The following PTPRD variants were observed in gnomAD, a reference collection of about 807,000 sequenced individuals.
PTPRD encodes protein tyrosine phosphatase receptor type D.
In PTPRD, 34 loss-of-function variants were observed where a neutral mutation model predicts 214.5. That is an observed-to-expected ratio of 0.16 (90% CI 0.12 to 0.21). The LOEUF is 0.21. Ranked by LOEUF, PTPRD falls within the 10% of genes least tolerant of loss-of-function variation. PTPRD has a pLI of 1.00. For synonymous variants in PTPRD, 1,128 were observed against 845.7 expected (o/e 1.33, Z -5.79); for missense variants, 2,545 against 2,398.7 (o/e 1.06, Z -1.27).
At chr9:9,558,855 TC>T (rs1352299426) in intron 8 of PTPRD, among the ~76,000 whole-genome samples, 1 of 152,186 alleles carries the variant, frequency 6.6e-6, no homozygotes, top group Non-Finnish European at 1.5e-5. Context: ...CAGTGAAGGT[TC>T]AGGATCTAGG....
chr9:8,736,060 C>T (rs1598348174), intron 11 of PTPRD, among the ~76,000 whole-genome samples: 1 of 152,068 alleles, frequency 6.6e-6, no homozygotes, highest in African/African-American at 2.4e-5. Context: ...TGGAACCAGG[C>T]TTTGGAAAGA....
chr9:9,164,707 T>C (rs953686809), intron 10 of PTPRD, among the ~76,000 whole-genome samples: 2 of 152,088 alleles, frequency 1.3e-5, no homozygotes, highest in East Asian at 3.9e-4. Flanking sequence ...CTAGACTGAT[T>C]TCTTTTTTAA....
At chr9:9,572,927 A>G (rs2086996141) in intron 8 of PTPRD, among the ~76,000 whole-genome samples, 1 of 151,632 alleles carries the variant, frequency 6.6e-6, no homozygotes, top group African/African-American at 2.4e-5. Flanking sequence ...CTGAACTCTT[A>G]TATCCTGCTC....
chr9:8,317,265 T>C lies in PTPRD; in HGVS notation c.*609A>G, dbSNP rs768592049. Reference sequence around the variant, plus strand: ...TTGGAAATAAAAAAATGAAGAGTTATGTAACTTTTTTAAAATTCACTTTAT... The same window carrying C: ...TTGGAAATAAAAAAATGAAGAGTTACGTAACTTTTTTAAAATTCACTTTAT... On this transcript the variant is annotated 3_prime_UTR_variant, in exon 46 of 46. Coordinates refer to ENST00000381196, the MANE Select transcript of PTPRD (RefSeq NM_002839.4). 6.9e-5 allele frequency: 16 copies of C among 232,198 alleles called. No individual in the cohort carries two copies. The highest frequency in any genetic ancestry group is 1.4e-4 in the Non-Finnish European group (16 of 117,208). The allele number at this position is 232,198 out of a possible 1,614,324, so 14.4% of individuals were successfully genotyped here.
At chr9:9,537,753 A>G (rs550325599) in intron 8 of PTPRD, among the ~76,000 whole-genome samples, 1 of 152,114 alleles carries the variant, frequency 6.6e-6, no homozygotes, top group East Asian at 1.9e-4. Context: ...GCAGCTTAAA[A>G]GTAACTGATA....
At chr9:9,049,079 C>G (rs1414243218) in intron 10 of PTPRD, among the ~76,000 whole-genome samples, 1 of 152,204 alleles carries the variant, frequency 6.6e-6, no homozygotes, top group East Asian at 1.9e-4. Context: ...ATCCAATGAT[C>G]TGGAAAGCAA....
chr9:9,634,859 T>C lies in PTPRD; in HGVS notation c.-286-60078A>G, dbSNP rs778164565. 2.0e-5 allele frequency among the ~76,000 whole-genome samples: 3 copies of C among 152,206 alleles called. No individual in the cohort carries two copies. In the South Asian group the frequency reaches 6.2e-4, roughly 32 times the overall value. ...CAGAGCAGGGATTACAAGTTACTTT[T>C]ATGTTGAGTACTTGTGCTATTTTGA... On this transcript the variant is annotated intron_variant, in intron 7 of 45. Transcript: ENST00000381196.
At chr9:9,213,354 G>C (rs1385004528) in intron 9 of PTPRD, among the ~76,000 whole-genome samples, 1 of 152,154 alleles carries the variant, frequency 6.6e-6, no homozygotes, top group Non-Finnish European at 1.5e-5. Context: ...TTGATGCATA[G>C]ACATCAACGA....
rs545143124 is a variant in PTPRD at position 10,300,095 on chromosome 9, C to A, written c.-545+40868G>T. ...ACAATTCTAAATGTTACCATTCCAT[C>A]CTGATAGTCTGTATCAACAGCTGAT... On this transcript the variant is annotated intron_variant, in intron 3 of 45. Transcript: ENST00000381196. Among the ~76,000 whole-genome samples the A allele has an allele frequency of 3.3e-5, 5 of 152,260 alleles. No individual in the cohort carries two copies. In the East Asian group the frequency reaches 9.6e-4, roughly 29 times the overall value.
intron 10 of PTPRD, among the ~76,000 whole-genome samples, chr9:9,019,303 A>T (rs2099551295): frequency 1.1e-5 from 1 of 93,084 alleles, no homozygotes; most frequent in Admixed American, 1.0e-4. Flanking sequence ...AAAGAAAGAA[A>T]GAAAGAAAGA....
In PTPRD at chr9:9,038,711, C is replaced by T. The variant is rs187355337; in HGVS notation, c.-142-19976G>A. Among the ~76,000 whole-genome samples the T allele has an allele frequency of 9.5e-4, 145 of 152,032 alleles. 1 individual carries two copies. In the East Asian group the frequency reaches 0.019, roughly 20 times the overall value. Reference sequence around the variant, plus strand: ...CTGGGATTACAGATGCCTACCACCACGCCCAGCTAATTTTTTTGTATTTTT... The same window carrying T: ...CTGGGATTACAGATGCCTACCACCATGCCCAGCTAATTTTTTTGTATTTTT... On this transcript the variant is annotated intron_variant, in intron 10 of 45. Coordinates refer to ENST00000381196, the MANE Select transcript of PTPRD (RefSeq NM_002839.4).
intron 39 of PTPRD, among the ~76,000 whole-genome samples, chr9:8,368,531 A>G (rs2080590721): frequency 6.6e-6 from 1 of 152,102 alleles, no homozygotes; most frequent in African/African-American, 2.4e-5. Context: ...CCTCTCTTCC[A>G]CTGCATTTAT....
At chr9:8,632,054 T>C (rs1436828284) in intron 14 of PTPRD, among the ~76,000 whole-genome samples, 1 of 151,850 alleles carries the variant, frequency 6.6e-6, no homozygotes, top group African/African-American at 2.4e-5. Flanking sequence ...GTGTTTATAC[T>C]ATTTCAAACG....
chr9:9,395,429 C>A (rs1028223572), intron 9 of PTPRD, among the ~76,000 whole-genome samples: 5 of 152,080 alleles, frequency 3.3e-5, no homozygotes, highest in Admixed American at 3.3e-4. Flanking sequence ...CTACCCAGGT[C>A]TAACTAGCCT....
At chr9:10,223,709 T>TAATAAA (rs2099579501) in intron 3 of PTPRD, among the ~76,000 whole-genome samples, 1 of 145,868 alleles carries the variant, frequency 6.9e-6, no homozygotes, top group African/African-American at 2.5e-5. Context: ...ATAATAATAA[T>TAATAAA]AATAAAGTAG....
intron 9 of PTPRD, among the ~76,000 whole-genome samples, chr9:9,343,796 T>C (rs2137524845): frequency 6.6e-6 from 1 of 151,986 alleles, no homozygotes; most frequent in Middle Eastern, 3.4e-3. Context: ...TTTTTAAAAA[T>C]AGCAATGAAA....
intron 5 of PTPRD, among the ~76,000 whole-genome samples, chr9:9,914,131 C>T (rs1566253148): frequency 1.3e-5 from 2 of 152,186 alleles, no homozygotes; most frequent in East Asian, 3.9e-4. Flanking sequence ...CCAAATGCTG[C>T]ACTCCTTTCC....
chr9:9,900,114 T>G (rs1350792629), intron 5 of PTPRD, among the ~76,000 whole-genome samples: 1 of 152,184 alleles, frequency 6.6e-6, no homozygotes, highest in African/African-American at 2.4e-5. Context: ...AAGTGGTTGT[T>G]CCACAGCTGC....
chr9:9,745,380 G>A (rs2761700), intron 6 of PTPRD, among the ~76,000 whole-genome samples: 79,772 of 151,758 alleles, frequency 0.53, 24,247 homozygotes, highest in African/African-American at 0.83. Context: ...TGAAGGCTTC[G>A]GTCCCACCAG....
Sources: allele counts gnomAD v4.1 joint callset (sites outside exome capture counted in the v4.1 genomes callset), GRCh38; gene constraint gnomAD v4.1.1; transcripts MANE v1.5; gene names NCBI Gene and HGNC (gene_info 2026-07-23, HGNC 2026-07-21).